LTBP1: variants seen among roughly 807,000 people sequenced by gnomAD.
LTBP1 encodes the protein latent transforming growth factor beta binding protein 1, also known as latent-transforming growth factor beta-binding protein 1.
LTBP1 carries 129 observed loss-of-function variants against 207.6 expected under a neutral mutation model. That is an observed-to-expected ratio of 0.62 (90% CI 0.54 to 0.72). LTBP1 has a LOEUF of 0.72. Among genes scored for constraint, LTBP1 ranks in the 30% least tolerant of loss-of-function variants. LTBP1 has a pLI of 0.00. For synonymous variants in LTBP1, 963 were observed against 833.7 expected, an observed-to-expected ratio of 1.16 and a Z score of -2.67; for missense variants, 2,281 against 2,217.2, an observed-to-expected ratio of 1.03 and a Z score of -0.58.
chr2:33,232,822 A>T (rs1018182165), intron 9 of LTBP1, among the ~76,000 whole-genome samples: 1 of 152,026 alleles, frequency 6.6e-6, no homozygotes, highest in South Asian at 2.1e-4. Context: ...GTGTCTGAAA[A>T]TATCTTTATT....
At chr2:33,306,971 C>A (rs2094107432) in intron 22 of LTBP1, among the ~76,000 whole-genome samples, 1 of 152,002 alleles carries the variant, frequency 6.6e-6, no homozygotes, top group African/African-American at 2.4e-5. Context: ...GCCTGTAGTC[C>A]CAGCTACTTG....
At chr2:33,271,251 C>G (rs1291093170) in intron 15 of LTBP1, among the ~76,000 whole-genome samples, 1 of 151,976 alleles carries the variant, frequency 6.6e-6, no homozygotes, top group Non-Finnish European at 1.5e-5. Flanking sequence ...TTTATAGCCT[C>G]TTAATTTGTT....
chr2:33,237,540 A>C (rs1235481728), intron 9 of LTBP1, among the ~76,000 whole-genome samples: 1 of 152,248 alleles, frequency 6.6e-6, no homozygotes, highest in Non-Finnish European at 1.5e-5. Context: ...AATTTCTGGC[A>C]CATTTATATT....
At chr2:33,062,152 CT>C (rs901455418) in intron 3 of LTBP1, among the ~76,000 whole-genome samples, 9 of 151,940 alleles carry the variant, frequency 5.9e-5, no homozygotes, top group South Asian at 2.1e-4. Context: ...TATTAATCAG[CT>C]TTTTTTTCTT....
intron 9 of LTBP1, among the ~76,000 whole-genome samples, chr2:33,230,621 G>A (rs977080692): frequency 2.0e-5 from 3 of 152,102 alleles, no homozygotes; most frequent in Admixed American, 6.6e-5. Flanking sequence ...GAGCTCCTAC[G>A]TCCATGCTGC....
At chr2:33,170,737 G>A (rs2085356010) in intron 5 of LTBP1, among the ~76,000 whole-genome samples, 1 of 134,456 alleles carries the variant, frequency 7.4e-6, no homozygotes, top group Non-Finnish European at 1.7e-5. Flanking sequence ...TGACCCCCGA[G>A]CAGCCTAACT....
chr2:33,287,057 T>C (rs1348565962), intron 19 of LTBP1, among the ~76,000 whole-genome samples: 1 of 152,170 alleles, frequency 6.6e-6, no homozygotes, highest in Non-Finnish European at 1.5e-5. Context: ...GTTGTGCACA[T>C]GTACCCTAAA....
At chr2:33,292,979 C>G (rs112792290) in intron 19 of LTBP1, among the ~76,000 whole-genome samples, 181 bp from the exon 20 acceptor site, 1 of 152,124 alleles carries the variant, frequency 6.6e-6, no homozygotes, top group South Asian at 2.1e-4. Context: ...AGTATAGAAC[C>G]GTCATCCATT....
chr2:33,319,870 G>T (rs769562569), intron 24 of LTBP1, among the ~76,000 whole-genome samples: 7 of 152,128 alleles, frequency 4.6e-5, no homozygotes, highest in South Asian at 2.1e-4. Context: ...GGCTAATTAG[G>T]CCTCCAAACC....
At chr2:33,200,253 G>A (rs1431406812) in intron 7 of LTBP1, among the ~76,000 whole-genome samples, 1 of 152,144 alleles carries the variant, frequency 6.6e-6, no homozygotes, top group African/African-American at 2.4e-5. Flanking sequence ...AACCAAAACA[G>A]CGTGGTACTG....
intron 31 of LTBP1, among the ~76,000 whole-genome samples, chr2:33,382,019 C>CTTGTTT (rs1369783872): frequency 8.9e-5 from 12 of 134,310 alleles, no homozygotes; most frequent in African/African-American, 3.3e-4. Flanking sequence ...AGCTAACTCT[C>CTTGTTT]TTGTTTTTAA....
chr2:33,305,659 G>A (rs1297585158), intron 22 of LTBP1, among the ~76,000 whole-genome samples: 1 of 152,168 alleles, frequency 6.6e-6, no homozygotes, highest in Non-Finnish European at 1.5e-5. Context: ...GAATTTAGGG[G>A]TGAGTTCTAG....
intron 19 of LTBP1, among the ~76,000 whole-genome samples, chr2:33,282,861 GA>G: frequency 6.6e-6 from 1 of 152,074 alleles, no homozygotes; most frequent in East Asian, 1.9e-4. Flanking sequence ...TCAAGAGATC[GA>G]GACCATCCTG....
At chr2:33,313,168 C>T (rs2094211806) in intron 23 of LTBP1, among the ~76,000 whole-genome samples, 1 of 152,126 alleles carries the variant, frequency 6.6e-6, no homozygotes, top group Admixed American at 6.5e-5. Context: ...ATTCATTGAC[C>T]TTCCTTGAAA....
intron 9 of LTBP1, among the ~76,000 whole-genome samples, chr2:33,238,244 G>A (rs1258675757): frequency 6.6e-6 from 1 of 152,134 alleles, no homozygotes; most frequent in African/African-American, 2.4e-5. Flanking sequence ...TCACACAGTA[G>A]AAAGATGCTC....
chr2:33,059,384 A>G (rs375110130), intron 3 of LTBP1, among the ~76,000 whole-genome samples: 2 of 152,374 alleles, frequency 1.3e-5, no homozygotes, highest in South Asian at 2.1e-4. Flanking sequence ...AATGAGACCC[A>G]TAAATCAAAA....
At chr2:33,128,145 T>C (rs1457130939) in intron 4 of LTBP1, among the ~76,000 whole-genome samples, 2 of 152,188 alleles carry the variant, frequency 1.3e-5, no homozygotes, top group African/African-American at 4.8e-5. Flanking sequence ...AATAGCCCAG[T>C]AGATATCTAT....
chr2:33,158,696 A>G (rs1383397984), intron 5 of LTBP1, among the ~76,000 whole-genome samples: 2 of 152,202 alleles, frequency 1.3e-5, no homozygotes, highest in South Asian at 2.1e-4. Context: ...AGTGATTCAT[A>G]TGTATTACCC....
At chr2:33,143,619 C>T (rs1336728140) in intron 5 of LTBP1, among the ~76,000 whole-genome samples, 2 of 152,184 alleles carry the variant, frequency 1.3e-5, no homozygotes, top group East Asian at 1.9e-4. Context: ...CTTCACTGTA[C>T]TTTCTACTCA....
Sources: allele counts gnomAD v4.1 joint callset (sites outside exome capture counted in the v4.1 genomes callset), GRCh38; gene constraint gnomAD v4.1.1; transcripts MANE v1.5; gene names NCBI Gene and HGNC (gene_info 2026-07-23, HGNC 2026-07-21).